Variants in MED26 observed in about 807,000 individuals in gnomAD.
MED26 encodes mediator of RNA polymerase II transcription subunit 26.
Under a neutral mutation model 43.7 loss-of-function variants are expected in MED26, and 7 were observed. The ratio of observed to expected loss-of-function variants is 0.16; its 90% confidence interval spans 0.09 to 0.30. The LOEUF is 0.30. Ranked by LOEUF, MED26 falls within the 10% of genes least tolerant of loss-of-function variation. MED26 has a pLI of 1.00. For missense variants in MED26, 784 were observed against 840.6 expected, an observed-to-expected ratio of 0.93 and a Z score of 0.83; for synonymous variants, 375 against 371.1, an observed-to-expected ratio of 1.01 and a Z score of -0.12.
chr19:16,627,950 GGC>G lies in MED26; in HGVS notation c.-9_-8del. The G allele has an allele frequency of 6.8e-7, 1 of 1,460,994 alleles. No homozygotes were observed. The allele number at this position is 1,460,994 out of a possible 1,614,324, so 90.5% of individuals were successfully genotyped here. Reference sequence around the variant, plus strand: ...ACGCCGGAGCCGCTGTCATTGCCTGGGCGAGGCGGGGGGTTGCGGCCGGGCCA... The same window carrying G: ...ACGCCGGAGCCGCTGTCATTGCCTGGGAGGCGGGGGGTTGCGGCCGGGCCA... On this transcript the variant is annotated 5_prime_UTR_variant, in exon 1 of 3. Transcript: ENST00000263390.
intron 1 of MED26, among the ~76,000 whole-genome samples, chr19:16,583,429 G>A (rs768888135): frequency 2.6e-5 from 4 of 152,030 alleles, no homozygotes; most frequent in East Asian, 1.9e-4. Flanking sequence ...AACACTGACC[G>A]CCCCTGCCCA....
intron 1 of MED26, among the ~76,000 whole-genome samples, chr19:16,615,512 C>T (rs1334133085): frequency 6.6e-6 from 1 of 152,148 alleles, no homozygotes; most frequent in Non-Finnish European, 1.5e-5. Flanking sequence ...TTTGGGAGGC[C>T]AAGGTGGGTG....
Position 16,577,028 on chromosome 19 carries a change from G to T in MED26, c.802C>A (p.Pro268Thr). The change falls in exon 3 of 3, where the codon CCC becomes ACC. Residue 268 changes from proline (P) to threonine (T), a missense_variant. Transcript: ENST00000263390. This position sits in a 1 kb window ranked among gnomAD's most constrained non-coding sequence, Gnocchi z 8.1. ...CGAGGACTGAAAGAGCAGCGAGGGGGTCCCTTGGGATGGGGAGGCCCCGGA... is the reference window on the plus strand; with the variant it reads ...CGAGGACTGAAAGAGCAGCGAGGGGTTCCCTTGGGATGGGGAGGCCCCGGA... Reference protein sequence around the residue: ...ETPGPPHPKGPPRCSFSPRNS... With the variant: ...ETPGPPHPKGTPRCSFSPRNS... 6.2e-7 allele frequency: 1 copy of T among 1,608,994 alleles called. No homozygotes were observed. The highest frequency in any genetic ancestry group is 8.5e-7 in the Non-Finnish European group (1 of 1,176,612).
At chr19:16,578,601 G>A in intron 1 of MED26, 192 bp from the exon 2 acceptor site, 1 of 591,490 alleles carries the variant, frequency 1.7e-6, no homozygotes, top group Non-Finnish European at 3.0e-6. Context: ...ATCCTCACCT[G>A]CCGTCTGACC....
chr19:16,618,676 C>T (rs2086236651), intron 1 of MED26, among the ~76,000 whole-genome samples: 1 of 152,190 alleles, frequency 6.6e-6, no homozygotes, highest in Non-Finnish European at 1.5e-5. Context: ...AGTGCACATC[C>T]ATGGACACTG....
chr19:16,583,584 C>T lies in MED26; in HGVS notation c.73-5175G>A, dbSNP rs73514990. 1.8e-3 allele frequency among the ~76,000 whole-genome samples: 281 copies of T among 152,298 alleles called. 1 individual carries two copies. The highest frequency in any genetic ancestry group is 6.6e-3 in the African/African-American group (276 of 41,562). On this transcript the variant is annotated intron_variant, in intron 1 of 2. Transcript: ENST00000263390. ...AGGGGTAAATGCAGCAAGGAGCACTCTGGAAGCAGGTGGGACCTCCCTGGG... is the reference window on the plus strand; with the variant it reads ...AGGGGTAAATGCAGCAAGGAGCACTTTGGAAGCAGGTGGGACCTCCCTGGG...
chr19:16,623,130 G>C (rs1403177954), intron 1 of MED26, among the ~76,000 whole-genome samples: 2 of 152,166 alleles, frequency 1.3e-5, no homozygotes, highest in African/African-American at 4.8e-5. Flanking sequence ...AGAAACCTCA[G>C]TGAGGAGAGA....
At chr19:16,618,293 C>T (rs1224553957) in intron 1 of MED26, among the ~76,000 whole-genome samples, 1 of 152,146 alleles carries the variant, frequency 6.6e-6, no homozygotes, top group Non-Finnish European at 1.5e-5. Flanking sequence ...CGCACCACCT[C>T]CCCCAGCAAT....
In MED26 at chr19:16,578,427, C is replaced by T. The variant is rs1426549507; in HGVS notation, c.73-18G>A. ...TTCCGGATCTGTGGAAATAAAAAGC[C>T]ATTTGTCAGGTCCCTGTCCTTCTCC... On this transcript the variant is annotated intron_variant, in intron 1 of 2. Transcript: ENST00000263390. 7 of 1,613,242 alleles carry T rather than the reference C, an allele frequency of 4.3e-6. No individual in the cohort carries two copies. The highest frequency in any genetic ancestry group is 4.5e-5 in the East Asian group (2 of 44,840).
At chr19:16,582,343 G>A (rs1341166212) in intron 1 of MED26, among the ~76,000 whole-genome samples, 1 of 152,140 alleles carries the variant, frequency 6.6e-6, no homozygotes, top group East Asian at 1.9e-4. Flanking sequence ...ACTGAGCAAT[G>A]CAGCGAGGAA....
At chr19:16,597,311 A>G (rs1422142509) in intron 1 of MED26, 1 of 397,924 alleles carries the variant, frequency 2.5e-6, no homozygotes, top group Admixed American at 4.4e-5. Context: ...GCAGTGCAGG[A>G]CCCATTCAGG....
At chr19:16,585,627 C>T (rs2086067104) in intron 1 of MED26, among the ~76,000 whole-genome samples, 1 of 152,182 alleles carries the variant, frequency 6.6e-6, no homozygotes, top group Admixed American at 6.5e-5. Context: ...AACTTTCTTT[C>T]CAGGTTTCCC....
chr19:16,594,655 GA>G (rs1262993590), intron 1 of MED26, among the ~76,000 whole-genome samples: 1 of 151,968 alleles, frequency 6.6e-6, no homozygotes, highest in African/African-American at 2.4e-5. Flanking sequence ...GAAGAAGGGG[GA>G]AAAAACCAGA....
At chr19:16,619,238 C>T (rs536412322) in intron 1 of MED26, among the ~76,000 whole-genome samples, 1 of 152,362 alleles carries the variant, frequency 6.6e-6, no homozygotes, top group East Asian at 1.9e-4. Flanking sequence ...CTCCCACTGA[C>T]AGCACTGAAA....
intron 1 of MED26, among the ~76,000 whole-genome samples, chr19:16,609,055 A>G (rs1295225731): frequency 6.6e-6 from 1 of 152,142 alleles, no homozygotes; most frequent in Non-Finnish European, 1.5e-5. Context: ...CGGCTCACAC[A>G]TGTGATCCCA....
chr19:16,578,525 G>T (rs2086026114), intron 1 of MED26, 116 bp from the exon 2 acceptor site: 2 of 910,496 alleles, frequency 2.2e-6, no homozygotes, highest in African/African-American at 1.7e-5. Flanking sequence ...GGAGCCAGCA[G>T]CACTGAAGCC....
At chr19:16,578,437 G>A in intron 1 of MED26, 28 bp from the exon 2 acceptor site, 2 of 1,610,118 alleles carry the variant, frequency 1.2e-6, no homozygotes, top group Non-Finnish European at 1.7e-6. Flanking sequence ...CATTTGTCAG[G>A]TCCCTGTCCT....
intron 1 of MED26, among the ~76,000 whole-genome samples, chr19:16,605,250 T>C (rs774718080): frequency 6.6e-6 from 1 of 152,212 alleles, no homozygotes; most frequent in Admixed American, 6.5e-5. Context: ...CACATTGTAC[T>C]GTATGTAAAT....
intron 1 of MED26, among the ~76,000 whole-genome samples, chr19:16,606,042 G>C (rs576646191): frequency 1.3e-5 from 2 of 152,304 alleles, no homozygotes; most frequent in African/African-American, 4.8e-5. Flanking sequence ...TAGAGCATCG[G>C]ATCACTACCA....
Sources: allele counts gnomAD v4.1 joint callset (sites outside exome capture counted in the v4.1 genomes callset), GRCh38; gene constraint gnomAD v4.1.1; non-coding constraint Gnocchi (gnomAD v3.1); transcripts MANE v1.5; gene names NCBI Gene and HGNC (gene_info 2026-07-23, HGNC 2026-07-21).